Variants in KIF23 observed in about 807,000 individuals in gnomAD.
KIF23 encodes the protein kinesin-like protein KIF23.
A neutral mutation model predicts 137.5 loss-of-function variants in KIF23; 30 were observed. That is an observed-to-expected ratio of 0.22 (90% CI 0.16 to 0.30). KIF23 has a LOEUF of 0.30. KIF23 is among the 10% of genes least tolerant of loss of function. The pLI, the probability that KIF23 is intolerant of heterozygous loss-of-function variation, is 1.00. For synonymous variants in KIF23, 367 were observed against 391.1 expected (o/e 0.94, Z 0.73); for missense variants, 920 against 1,194.3 (o/e 0.77, Z 3.38).
intron 11 of KIF23, chr15:69,434,978 G>T: frequency 1.6e-6 from 1 of 631,182 alleles, no homozygotes. Flanking sequence ...TGTAGGCCGT[G>T]GACAGCTTCA....
chr15:69,415,555 C>T (rs189616689), intron 1 of KIF23, among the ~76,000 whole-genome samples: 6 of 152,206 alleles, frequency 3.9e-5, no homozygotes, highest in Admixed American at 1.3e-4. Flanking sequence ...TTTGAGCATT[C>T]AATGACTGGT....
intron 11 of KIF23, among the ~76,000 whole-genome samples, chr15:69,430,097 A>G (rs2057318452): frequency 1.3e-5 from 2 of 152,170 alleles, no homozygotes; most frequent in African/African-American, 4.8e-5. Context: ...TTCAATACTT[A>G]TTAGTGGTAA....
chr15:69,446,684 T>C (rs981372772), intron 22 of KIF23, 187 bp from the exon 23 acceptor site: 3 of 660,238 alleles, frequency 4.5e-6, no homozygotes, highest in Non-Finnish European at 8.1e-6. Context: ...TAAAGACCTT[T>C]CTGGCTCACA....
At chr15:69,427,233 T>C (rs1452241214) in intron 10 of KIF23, 2 of 346,832 alleles carry the variant, frequency 5.8e-6, no homozygotes, top group East Asian at 1.5e-4. Flanking sequence ...ATACACAAGA[T>C]TTGAGCATCC....
At position 69,444,801 on chromosome 15, in the gene KIF23, A is replaced by C. The variant is rs1334991535; in HGVS notation, c.2433A>C (p.Gln811His). The change falls in exon 20 of 24, where the codon CAA becomes CAC. Residue 811 changes from glutamine to histidine, a missense_variant. Physicochemically the swap from Gln to His is conservative, Grantham distance 24 (BLOSUM62 0). Coordinates refer to ENST00000679126, the MANE Select transcript of KIF23 (RefSeq NM_001367805.3). This position sits in a 1 kb window ranked among gnomAD's most constrained non-coding sequence, Gnocchi z 4.2. ...TGCTTGTTTCTCAGTTACTCTTTCA[A>C]CCTGATCAGAACGCACCACCAATTC... ...EEDHCGRLLF[Q>H]PDQNAPPIRL... 1.2e-6 allele frequency: 2 copies of C among 1,614,114 alleles called. No individual in the cohort carries two copies. Among genetic ancestry groups the C allele is most frequent in the Non-Finnish European group, 1.7e-6 (2 of 1,180,006 alleles).
rs759925872 is a variant in KIF23 at position 69,440,876 on chromosome 15, A to G, written c.2218A>G (p.Ile740Val). 3.1e-6 allele frequency: 5 copies of G among 1,614,052 alleles called. No homozygotes were observed. In the African/African-American group the frequency reaches 6.7e-5, roughly 22 times the overall value. ...SCSSISVASC[I>V]SEWEQKIPTY... ...CAGCAGCATTTCTGTAGCTTCCTGTATTTCGGAATGGGAGCAGAAAATTCC... is the reference window on the plus strand; with the variant it reads ...CAGCAGCATTTCTGTAGCTTCCTGTGTTTCGGAATGGGAGCAGAAAATTCC... Residue 740 changes from isoleucine to valine, a missense_variant, in exon 19 of 24, where the codon ATT (isoleucine) becomes GTT (valine). Transcript: ENST00000679126.
chr15:69,429,020 T>G, intron 10 of KIF23, 91 bp from the exon 11 acceptor site: 4 of 847,420 alleles, frequency 4.7e-6, no homozygotes, highest in Non-Finnish European at 7.4e-6. Context: ...AAATGTTCAT[T>G]AAGACTTAGC....
chr15:69,438,829 T>G (rs1041954834), intron 16 of KIF23, among the ~76,000 whole-genome samples: 5 of 148,440 alleles, frequency 3.4e-5, no homozygotes, highest in Non-Finnish European at 4.5e-5. Flanking sequence ...TCAGGCTGAG[T>G]GCGGGGGCTC....
intron 19 of KIF23, among the ~76,000 whole-genome samples, chr15:69,442,924 TTA>T (rs2057655790): frequency 6.6e-6 from 1 of 152,172 alleles, no homozygotes; most frequent in Non-Finnish European, 1.5e-5. Context: ...AGGAAAAAAT[TTA>T]AATATTTGTT....
chr15:69,425,172 G>C, intron 7 of KIF23, 110 bp from the exon 8 acceptor site: 1 of 764,396 alleles, frequency 1.3e-6, no homozygotes, highest in South Asian at 1.8e-5. Context: ...ATTACAAGTG[G>C]AGGGTTTTTA....
intron 10 of KIF23, among the ~76,000 whole-genome samples, chr15:69,428,817 T>G (rs1044985042): frequency 1.4e-4 from 21 of 152,162 alleles, no homozygotes; most frequent in African/African-American, 5.1e-4. Flanking sequence ...TGGTAGGCAC[T>G]GTGCAGCATG....
chr15:69,432,836 A>G (rs914465191), intron 11 of KIF23, among the ~76,000 whole-genome samples: 2 of 152,230 alleles, frequency 1.3e-5, no homozygotes, highest in African/African-American at 2.4e-5. Context: ...TGAGCAACAA[A>G]CTGTAACATG....
At chr15:69,428,055 G>A (rs2057249485) in intron 10 of KIF23, among the ~76,000 whole-genome samples, 1 of 151,984 alleles carries the variant, frequency 6.6e-6, no homozygotes, top group Non-Finnish European at 1.5e-5. Flanking sequence ...TCGGGAGATT[G>A]AGACCATCCT....
intron 6 of KIF23, chr15:69,422,926 T>C (rs988854850): frequency 1.1e-5 from 4 of 360,810 alleles, no homozygotes; most frequent in Non-Finnish European, 2.0e-5. Flanking sequence ...TCAGCCCCCC[T>C]AGTAGCTGGG....
chr15:69,421,444 A>G (rs999816464), intron 3 of KIF23, among the ~76,000 whole-genome samples: 5 of 152,208 alleles, frequency 3.3e-5, no homozygotes, highest in African/African-American at 7.2e-5. Flanking sequence ...AACGTTTACC[A>G]GTTTATAATT....
chr15:69,416,005 C>A lies in KIF23; in HGVS notation c.23C>A (p.Thr8Lys). MKSARAK[T>K]PRKPTVKKGS... ...TAATCTATGACCAGGAGAGCTAAGA[C>A]ACCCCGGAAACCTACCGTGAAAAAA... Residue 8 changes from threonine to lysine, a missense_variant, in exon 2 of 24, where the codon ACA becomes AAA. Thr to Lys is a moderately conservative substitution (Grantham distance 78). This residue lies in a region of KIF23 where 124 missense variants were observed against 122.0 expected (regional missense o/e 1.02). Coordinates refer to ENST00000679126, the MANE Select transcript of KIF23 (RefSeq NM_001367805.3). The A allele has an allele frequency of 6.3e-7, 1 of 1,578,616 alleles. No homozygotes were observed. Among genetic ancestry groups the A allele is most frequent in the Non-Finnish European group, 8.6e-7 (1 of 1,169,406 alleles).
chr15:69,438,814 A>G (rs1229684309), intron 16 of KIF23, among the ~76,000 whole-genome samples: 1 of 151,352 alleles, frequency 6.6e-6, no homozygotes, highest in Non-Finnish European at 1.5e-5. Context: ...AAAAAAAAAG[A>G]GTTCTCAGGC....
At chr15:69,415,945 C>A (rs1310740947) in intron 1 of KIF23, 49 bp from the exon 2 acceptor site, 2 of 1,308,326 alleles carry the variant, frequency 1.5e-6, no homozygotes, top group East Asian at 2.6e-5. Context: ...CTTTTGTATT[C>A]GTGTTGAACT....
At chr15:69,437,546 C>T (rs1027778630) in intron 15 of KIF23, among the ~76,000 whole-genome samples, 3 of 150,788 alleles carry the variant, frequency 2.0e-5, no homozygotes, top group Non-Finnish European at 3.0e-5. Context: ...CTGCAACCTC[C>T]GCCTCCTGGG....
Sources: allele counts gnomAD v4.1 joint callset (sites outside exome capture counted in the v4.1 genomes callset), GRCh38; gene constraint gnomAD v4.1.1; regional missense constraint gnomAD v4.1.1; non-coding constraint Gnocchi (gnomAD v3.1); transcripts MANE v1.5; gene names NCBI Gene and HGNC (gene_info 2026-07-23, HGNC 2026-07-21).